PNPT1: variants seen among roughly 807,000 people sequenced by gnomAD.
The protein encoded by PNPT1 is polyribonucleotide nucleotidyltransferase 1, mitochondrial.
In PNPT1, 53 loss-of-function variants were observed where a neutral mutation model predicts 119.5. The ratio of observed to expected loss-of-function variants is 0.44; its 90% CI spans 0.36 to 0.56. PNPT1 has a LOEUF of 0.56. Among genes scored for constraint, PNPT1 ranks in the 20% least tolerant of loss-of-function variants. PNPT1 has a pLI of 0.00. For missense variants in PNPT1, 948 were observed against 938.5 expected (o/e 1.01, Z -0.13); for synonymous variants, 357 against 322.1 (o/e 1.11, Z -1.16).
chr2:55,670,779 G>C (rs1038369627), intron 11 of PNPT1, among the ~76,000 whole-genome samples: 20 of 152,132 alleles, frequency 1.3e-4, no homozygotes, highest in African/African-American at 3.9e-4. Flanking sequence ...GTAGGAGTTT[G>C]ATTCAGAAAA....
chr2:55,642,499 C>T (rs1252524828), intron 25 of PNPT1, among the ~76,000 whole-genome samples: 1 of 150,698 alleles, frequency 6.6e-6, no homozygotes, highest in African/African-American at 2.4e-5. Flanking sequence ...GTCCCAGCTA[C>T]CGGGGAGGAT....
At chr2:55,639,878 C>T (rs750679542) in intron 26 of PNPT1, among the ~76,000 whole-genome samples, 1 of 152,074 alleles carries the variant, frequency 6.6e-6, no homozygotes, top group African/African-American at 2.4e-5. Flanking sequence ...CTTTTCCTAC[C>T]ACCTTTTTTA....
intron 13 of PNPT1, among the ~76,000 whole-genome samples, chr2:55,665,107 G>T (rs899780050): frequency 6.6e-6 from 1 of 152,082 alleles, no homozygotes; most frequent in Non-Finnish European, 1.5e-5. Context: ...CAGTGGCCCA[G>T]AAAATTCACG....
chr2:55,670,647 C>A (rs1419632236), intron 11 of PNPT1, among the ~76,000 whole-genome samples: 1 of 152,162 alleles, frequency 6.6e-6, no homozygotes, highest in Non-Finnish European at 1.5e-5. Context: ...ATGATTCACT[C>A]ATTTAATCCC....
chr2:55,688,178 G>A (rs1697475675), intron 1 of PNPT1, among the ~76,000 whole-genome samples: 2 of 151,934 alleles, frequency 1.3e-5, no homozygotes, highest in South Asian at 4.1e-4. Context: ...GAGTAGTTGG[G>A]ACTACATGTG....
intron 9 of PNPT1, 29 bp downstream of exon 9, chr2:55,672,864 C>T (rs1231843155): frequency 3.2e-6 from 5 of 1,546,044 alleles, no homozygotes; most frequent in African/African-American, 1.4e-5. Flanking sequence ...ATGACAATTT[C>T]ATATTTTCAT....
chr2:55,646,161 C>A, intron 21 of PNPT1, 98 bp downstream of exon 21: 1 of 1,224,122 alleles, frequency 8.2e-7, no homozygotes, highest in Non-Finnish European at 1.1e-6. Flanking sequence ...TGAAATTCCA[C>A]TTTTTAAAGC....
At chr2:55,682,122 G>A (rs574032120) in intron 5 of PNPT1, among the ~76,000 whole-genome samples, 22 of 151,974 alleles carry the variant, frequency 1.4e-4, no homozygotes, top group African/African-American at 5.1e-4. Flanking sequence ...CAGCCTGGTC[G>A]ACAGAGCGAG....
intron 4 of PNPT1, among the ~76,000 whole-genome samples, chr2:55,684,309 G>C (rs1190302560): frequency 6.6e-6 from 1 of 152,174 alleles, no homozygotes; most frequent in African/African-American, 2.4e-5. Context: ...GACCAAAATG[G>C]AGAAACCCCA....
intron 14 of PNPT1, among the ~76,000 whole-genome samples, chr2:55,661,279 G>C (rs1380390280): frequency 6.6e-6 from 1 of 151,702 alleles, no homozygotes; most frequent in African/African-American, 2.4e-5. Context: ...TTTCAGTAGG[G>C]ACGGAATTTC....
chr2:55,693,835 C>T lies in PNPT1; in HGVS notation c.-12G>A. 1.9e-6 allele frequency: 3 copies of T among 1,612,470 alleles called. No homozygotes were observed. The highest frequency in any genetic ancestry group is 2.5e-6 in the Non-Finnish European group (3 of 1,179,890). On this transcript the variant is annotated 5_prime_UTR_variant, in exon 1 of 28. The change creates a new upstream start codon in the 5' untranslated region. Coordinates refer to ENST00000447944, the MANE Select transcript of PNPT1 (RefSeq NM_033109.5). The stretch of plus-strand genomic sequence containing the variant: ...CTGCAGGCCGCCATGACACCCGGCA[C>T]GCGGTCAACGCAGGCTGTGCCCTGA...
chr2:55,667,798 C>T, intron 12 of PNPT1, 64 bp downstream of exon 12: 1 of 1,532,366 alleles, frequency 6.5e-7, no homozygotes, highest in Non-Finnish European at 8.7e-7. Flanking sequence ...ATCAAGTTTC[C>T]ATTTTCAAGG....
intron 1 of PNPT1, among the ~76,000 whole-genome samples, chr2:55,690,595 C>A (rs146940805): frequency 3.1e-4 from 47 of 152,294 alleles, no homozygotes; most frequent in African/African-American, 1.1e-3. Context: ...CAGTTAGACT[C>A]ATTTTGTTAA....
At chr2:55,654,357 T>C (rs545135150) in intron 18 of PNPT1, among the ~76,000 whole-genome samples, 3 of 152,284 alleles carry the variant, frequency 2.0e-5, no homozygotes, top group East Asian at 3.9e-4. Flanking sequence ...CTTCCTAAAA[T>C]TGTGTGTACA....
At chr2:55,647,509 T>C in intron 18 of PNPT1, 56 bp from the exon 19 acceptor site, 1 of 1,343,892 alleles carries the variant, frequency 7.4e-7, no homozygotes, top group East Asian at 2.4e-5. Flanking sequence ...CTAAAACAAA[T>C]ATTTATCTAT....
At position 55,685,038 on chromosome 2, in the gene PNPT1, C is replaced by T. The variant is rs1446856783; in HGVS notation, c.308G>A (p.Arg103Lys). The T allele has an allele frequency of 3.2e-6, 5 of 1,587,092 alleles. No individual in the cohort carries two copies. Among genetic ancestry groups the T allele is most frequent in the Middle Eastern group, 1.7e-4 (1 of 5,758 alleles). Residue 103 changes from arginine (R) to lysine (K), a missense_variant, in exon 4 of 28, where the codon AGA becomes AAA. By Grantham distance (26) the Arg-to-Lys change is conservative (BLOSUM62 2). Coordinates refer to ENST00000447944, the MANE Select transcript of PNPT1 (RefSeq NM_033109.5). Reference protein sequence around the residue: ...SQFMPLVVDYRQKAAAAGRIP... With the variant: ...SQFMPLVVDYKQKAAAAGRIP... The stretch of plus-strand genomic sequence containing the variant: ...TCTACCTGCTGCAGCAGCTTTTTGT[C>T]TGTAGTCAACCTGAAGCAGCAATAA...
At chr2:55,679,599 TACAC>T (rs1333798967) in intron 8 of PNPT1, 79 bp downstream of exon 8, 1 of 1,003,824 alleles carries the variant, frequency 1.0e-6, no homozygotes, top group African/African-American at 1.6e-5. Context: ...CGACAAAACA[TACAC>T]ACAGAGTTTA....
Position 55,673,059 on chromosome 2 carries a change from C to T in PNPT1, c.700G>A (p.Glu234Lys), listed in dbSNP as rs1485515640. Residue 234 changes from glutamate to lysine, a missense_variant, in exon 9 of 28, where the codon GAG becomes AAG. Glu to Lys is a moderately conservative substitution (Grantham distance 56). Coordinates refer to ENST00000447944, the MANE Select transcript of PNPT1 (RefSeq NM_033109.5). ...CAAAAGTCCTGCTGTAAAATGTTCTCTGCAGAGGCTTCCAACATGACTATT... is the reference window on the plus strand; with the variant it reads ...CAAAAGTCCTGCTGTAAAATGTTCTTTGCAGAGGCTTCCAACATGACTATT... The part of the protein sequence containing the change: ...SQIVMLEASA[E>K]NILQQDFCHA... 2.5e-6 allele frequency: 4 copies of T among 1,598,234 alleles called. No homozygotes were observed. The highest frequency in any genetic ancestry group is 1.4e-5 in the African/African-American group (1 of 73,804).
chr2:55,640,438 C>T (rs868297091), intron 26 of PNPT1, among the ~76,000 whole-genome samples, 189 bp downstream of exon 26: 2 of 152,216 alleles, frequency 1.3e-5, no homozygotes, highest in African/African-American at 2.4e-5. Context: ...AGGCATGAGC[C>T]ACCCTGCCCA....
Sources: gnomAD v4.1 joint callset for allele counts (sites outside exome capture counted in the v4.1 genomes callset) on GRCh38, gnomAD v4.1.1 for gene constraint, MANE v1.5 for transcripts, NCBI Gene and HGNC (gene_info 2026-07-23, HGNC 2026-07-21) for gene names.